Variants in NEBL observed in about 807,000 individuals in gnomAD.
NEBL encodes nebulette, also known as LIM and SH3 protein 2.
A neutral mutation model predicts 140.2 loss-of-function variants in NEBL; 122 were observed. The observed-to-expected ratio is 0.87, with a 90% CI of 0.75 to 1.01. The LOEUF (loss-of-function observed/expected upper bound fraction) is 1.01, where lower values mean the gene tolerates loss of function less well. Among genes scored for constraint, NEBL ranks in the 50% least tolerant of loss-of-function variants. The probability of loss-of-function intolerance (pLI) is 0.00; values close to 1 mark genes in which losing one functional copy is unlikely to be tolerated. For synonymous variants in NEBL, 436 were observed against 398.9 expected (o/e 1.09, Z -1.11); for missense variants, 1,365 against 1,231.3 (o/e 1.11, Z -1.62).
intron 3 of NEBL, among the ~76,000 whole-genome samples, chr10:21,004,206 C>A (rs1490180848): frequency 6.6e-6 from 1 of 152,112 alleles, no homozygotes; most frequent in Non-Finnish European, 1.5e-5. Context: ...TTGGTAACAA[C>A]AGTGTTGTTT....
intron 2 of NEBL, among the ~76,000 whole-genome samples, chr10:21,061,370 T>TGTAA (rs1835291605): frequency 1.5e-5 from 2 of 131,300 alleles, no homozygotes; most frequent in African/African-American, 2.9e-5. Flanking sequence ...TGGGTCAGAT[T>TGTAA]TATGTTTTAT....
At position 21,154,955 on chromosome 10, in the gene NEBL, C is replaced by T. The variant is rs147627047; in HGVS notation, c.164+17428G>A. Among the ~76,000 whole-genome samples, 584 of 152,296 alleles carry T rather than the reference C, an allele frequency of 3.8e-3. 4 individuals are homozygous for T. Among genetic ancestry groups the T allele is most frequent in the Middle Eastern group, 0.014 (4 of 294 alleles). On this transcript the variant is annotated intron_variant, in intron 2 of 6. Coordinates refer to the NEBL transcript ENST00000417816. ...GTGGCTCACGCCTGTAATCCCAGCA[C>T]TTTGGGAGGCCGAGGCGGGTGGATC... is the stretch of plus-strand genomic sequence containing the variant.
chr10:20,809,529 A>T (rs1311201076), intron 25 of NEBL, among the ~76,000 whole-genome samples: 1 of 152,200 alleles, frequency 6.6e-6, no homozygotes, highest in Admixed American at 6.5e-5. Context: ...GTGCAATCCA[A>T]ATAACTGTAT....
chr10:21,235,971 T>A (rs1645035216), intron 3 of NEBL, among the ~76,000 whole-genome samples: 1 of 152,202 alleles, frequency 6.6e-6, no homozygotes, highest in African/African-American at 2.4e-5. Flanking sequence ...TAAAAAATGA[T>A]ATGTTGCACA....
chr10:21,267,125 C>T (rs1842806555), intron 1 of NEBL, among the ~76,000 whole-genome samples: 1 of 152,134 alleles, frequency 6.6e-6, no homozygotes, highest in South Asian at 2.1e-4. Flanking sequence ...CAGGTGCTCG[C>T]CACCATGCCC....
intron 1 of NEBL, among the ~76,000 whole-genome samples, chr10:21,283,417 C>A (rs1226789914): frequency 6.6e-6 from 1 of 152,172 alleles, no homozygotes; most frequent in Non-Finnish European, 1.5e-5. Context: ...AGTAGCCATT[C>A]TTTTATTCCT....
At chr10:20,849,477 C>T (rs558146689) in intron 11 of NEBL, among the ~76,000 whole-genome samples, 4 of 152,268 alleles carry the variant, frequency 2.6e-5, no homozygotes, top group South Asian at 4.1e-4. Context: ...GGCCATAGCG[C>T]TCTGCCTCAT....
At chr10:21,165,619 C>T (rs545255694) in intron 2 of NEBL, among the ~76,000 whole-genome samples, 5 of 152,310 alleles carry the variant, frequency 3.3e-5, no homozygotes, top group South Asian at 2.1e-4. Flanking sequence ...CCACCCTGGA[C>T]GTGCCCAATC....
At position 20,782,192 on chromosome 10, in the gene NEBL, A is replaced by G. The variant is rs535109814; in HGVS notation, c.*3555T>C. On this transcript the variant is annotated 3_prime_UTR_variant, in exon 28 of 28. Coordinates refer to ENST00000377122, the MANE Select transcript of NEBL (RefSeq NM_006393.3). ...CATCCCACTTCCCTACCACAAAAAT[A>G]TCAATCATGTGTAATAAAATATTAC... 4 of 152,722 alleles carry G rather than the reference A, an allele frequency of 2.6e-5. No homozygotes were observed. In the East Asian group the frequency reaches 7.7e-4, roughly 29 times the overall value. The allele number at this position is 152,722 out of a possible 1,614,324, so 9.5% of individuals were successfully genotyped here. A position where few individuals can be genotyped will look rare whatever the true frequency, so the allele number is the denominator to read the frequency against.
chr10:21,283,711 C>A (rs1396993803), intron 1 of NEBL, among the ~76,000 whole-genome samples: 1 of 151,976 alleles, frequency 6.6e-6, no homozygotes, highest in Non-Finnish European at 1.5e-5. Flanking sequence ...ATATTCATAC[C>A]AAGTGGGATA....
chr10:20,800,356 C>A (rs934042767), intron 26 of NEBL, among the ~76,000 whole-genome samples: 4 of 152,046 alleles, frequency 2.6e-5, no homozygotes, highest in African/African-American at 9.7e-5. Flanking sequence ...TACACATTTT[C>A]TTTACCCATT....
At chr10:21,147,206 C>T (rs1240918769) in intron 2 of NEBL, among the ~76,000 whole-genome samples, 3 of 152,136 alleles carry the variant, frequency 2.0e-5, no homozygotes, top group Non-Finnish European at 4.4e-5. Context: ...ACCCCACACA[C>T]ACTCCCCTCT....
intron 3 of NEBL, among the ~76,000 whole-genome samples, chr10:21,221,416 A>G (rs774927112): frequency 2.0e-5 from 3 of 152,212 alleles, no homozygotes; most frequent in Non-Finnish European, 2.9e-5. Context: ...CTATCATTCA[A>G]TGAGACACAC....
At chr10:20,819,399 A>G (rs758803364) in intron 20 of NEBL, 25 bp downstream of exon 20, 1 of 1,613,896 alleles carries the variant, frequency 6.2e-7, no homozygotes, top group Non-Finnish European at 8.5e-7. Flanking sequence ...TTGAGAAAAT[A>G]TAAAAGGAAA....
At chr10:20,971,210 A>G (rs970084107) in intron 3 of NEBL, among the ~76,000 whole-genome samples, 7 of 152,328 alleles carry the variant, frequency 4.6e-5, no homozygotes, top group Non-Finnish European at 7.4e-5. Flanking sequence ...CACTGGCAAA[A>G]ATACTAATTC....
chr10:20,882,278 A>G (rs948957993), intron 4 of NEBL, among the ~76,000 whole-genome samples: 5 of 151,802 alleles, frequency 3.3e-5, no homozygotes, highest in Non-Finnish European at 7.4e-5. Flanking sequence ...GAAGGAAAGG[A>G]AAGAAGCAAA....
chr10:20,809,771 C>T (rs1157785414), intron 25 of NEBL, 35 bp downstream of exon 25: 1 of 1,466,326 alleles, frequency 6.8e-7, no homozygotes. Flanking sequence ...GGGACAAAAC[C>T]ACATAAATGG....
intron 22 of NEBL, among the ~76,000 whole-genome samples, chr10:20,815,311 G>C (rs1378630672): frequency 6.6e-6 from 1 of 152,018 alleles, no homozygotes; most frequent in Non-Finnish European, 1.5e-5. Flanking sequence ...ATTATTTAAC[G>C]CACACATCAA....
intron 2 of NEBL, among the ~76,000 whole-genome samples, chr10:21,153,292 T>C (rs1186445633): frequency 6.6e-6 from 1 of 152,102 alleles, no homozygotes; most frequent in Non-Finnish European, 1.5e-5. Context: ...GCCCACACTA[T>C]ACAGCAGGGC....
Sources: gnomAD v4.1 joint callset for allele counts (sites outside exome capture counted in the v4.1 genomes callset) on GRCh38, gnomAD v4.1.1 for gene constraint, MANE v1.5 for transcripts, NCBI Gene and HGNC (gene_info 2026-07-23, HGNC 2026-07-21) for gene names.